The following TMEM131 variants were observed in gnomAD, a reference collection of about 807,000 sequenced individuals.
TMEM131 encodes 2610524E03Rik.
In TMEM131, 66 loss-of-function variants were observed where a neutral mutation model predicts 211.6. The observed-to-expected ratio is 0.31, with a 90% CI of 0.26 to 0.38. The LOEUF is 0.38. TMEM131 is among the 10% of genes least tolerant of loss of function. The pLI is 1.00. For synonymous variants in TMEM131, 844 were observed against 841.3 expected, an observed-to-expected ratio of 1.00 and a Z score of -0.06; for missense variants, 2,036 against 2,299.3, an observed-to-expected ratio of 0.89 and a Z score of 2.34.
rs56833919 is a variant in TMEM131 at position 97,864,757 on chromosome 2, T to G, written c.360-5330A>C. Among the ~76,000 whole-genome samples, 103 of 152,208 alleles carry G rather than the reference T, an allele frequency of 6.8e-4. 3 individuals carry two copies. In the East Asian group the frequency reaches 0.013, roughly 19 times the overall value. ...CCTTAAAGTGGCAGGCAAAGGAAAGTGAGTGTCAATGGGCAGCCTGAGCTG... is the reference window on the plus strand; with the variant it reads ...CCTTAAAGTGGCAGGCAAAGGAAAGGGAGTGTCAATGGGCAGCCTGAGCTG... On this transcript the variant is annotated intron_variant, in intron 4 of 40. Transcript: ENST00000186436.
intron 1 of TMEM131, among the ~76,000 whole-genome samples, chr2:97,980,931 G>A (rs538651142): frequency 6.8e-6 from 1 of 146,894 alleles, no homozygotes; most frequent in African/African-American, 2.5e-5. Context: ...TATGGAGATA[G>A]CACAGGTTTT....
At position 97,932,106 on chromosome 2, in the gene TMEM131, C is replaced by T. The variant is rs1677246991; in HGVS notation, c.188-4619G>A. On this transcript the variant is annotated intron_variant, in intron 1 of 40. Transcript: ENST00000186436. Reference sequence around the variant, plus strand: ...GCAGTGGGCTGAGATAGTGCCAATGCACTCCAGCTTGGGTGACAGAACAAG... The same window carrying T: ...GCAGTGGGCTGAGATAGTGCCAATGTACTCCAGCTTGGGTGACAGAACAAG... 3.3e-5 allele frequency among the ~76,000 whole-genome samples: 5 copies of T among 149,538 alleles called. 1 individual carries two copies. In the South Asian group the frequency reaches 1.0e-3, roughly 31 times the overall value.
chr2:97,802,206 G>T (rs1681066066), intron 24 of TMEM131, among the ~76,000 whole-genome samples: 1 of 152,088 alleles, frequency 6.6e-6, no homozygotes, highest in African/African-American at 2.4e-5. Flanking sequence ...TTTTTAGAAG[G>T]GAGTTCCATA....
intron 5 of TMEM131, among the ~76,000 whole-genome samples, chr2:97,845,828 A>G (rs1559397304): frequency 6.6e-6 from 1 of 152,070 alleles, no homozygotes; most frequent in East Asian, 1.9e-4. Context: ...ATAAAACTCT[A>G]CAGAGAGTGA....
chr2:97,888,517 C>T (rs1446578339), intron 3 of TMEM131, among the ~76,000 whole-genome samples: 1 of 152,168 alleles, frequency 6.6e-6, no homozygotes, highest in Non-Finnish European at 1.5e-5. Context: ...AAATCACAAT[C>T]AGATTGTAAC....
rs532024219 is a variant in TMEM131, at chr2:97,814,393, TA to T, written c.1293-6del. On this transcript the variant is annotated splice_polypyrimidine_tract_variant and splice_region_variant and intron_variant, in intron 13 of 40. Transcript: ENST00000186436. The stretch of plus-strand genomic sequence containing the variant: ...GCATGATCAAATCCCAAATAACTAT[TA>T]AAAAAAACAACAAGAACAAAATAAA... 85 of 1,576,610 alleles carry T rather than the reference TA, an allele frequency of 5.4e-5. 2 individuals carry two copies. In the Admixed American group the frequency reaches 1.6e-3, roughly 29 times the overall value.
At chr2:97,821,171 C>T (rs1682101217) in intron 11 of TMEM131, among the ~76,000 whole-genome samples, 1 of 152,106 alleles carries the variant, frequency 6.6e-6, no homozygotes, top group Non-Finnish European at 1.5e-5. Flanking sequence ...GGATTGTAAA[C>T]ACACCAATCA....
intron 3 of TMEM131, among the ~76,000 whole-genome samples, chr2:97,901,495 C>T (rs944693440): frequency 2.6e-5 from 4 of 152,094 alleles, no homozygotes; most frequent in Non-Finnish European, 4.4e-5. Flanking sequence ...CCAGGTTTAC[C>T]GTAGCACTAT....
chr2:97,849,873 C>T (rs1673537036), intron 5 of TMEM131, among the ~76,000 whole-genome samples: 1 of 151,790 alleles, frequency 6.6e-6, no homozygotes, highest in Non-Finnish European at 1.5e-5. Flanking sequence ...AGGTTTAACT[C>T]TTGGTGGGCA....
At chr2:97,779,397 C>CT (rs1437261403) in intron 31 of TMEM131, among the ~76,000 whole-genome samples, 1 of 152,242 alleles carries the variant, frequency 6.6e-6, no homozygotes, top group Non-Finnish European at 1.5e-5. Context: ...GGAGTGGCCT[C>CT]TGCCTCCCGC....
chr2:97,794,888 T>G (rs1438335304), intron 29 of TMEM131, 42 bp downstream of exon 29: 1 of 1,490,054 alleles, frequency 6.7e-7, no homozygotes, highest in African/African-American at 1.4e-5. Context: ...TCAACAGTGT[T>G]AAATGTTGAA....
At chr2:97,777,217 C>T (rs1405908631) in intron 31 of TMEM131, among the ~76,000 whole-genome samples, 1 of 152,238 alleles carries the variant, frequency 6.6e-6, no homozygotes, top group East Asian at 1.9e-4. Context: ...CAGGCAGGTG[C>T]AAGCTGCAGA....
chr2:97,775,940 G>C lies in TMEM131; in HGVS notation c.4223C>G (p.Pro1408Arg), dbSNP rs751693462. ...EEKEKKGKGKPQEDELKDSLA... is the reference protein window; with the variant it reads ...EEKEKKGKGKRQEDELKDSLA... ...AGAGTCCTTCAGCTCATCTTCCTGT[G>C]GCTTTCCCTTTCCCTTCTTCTCCTT... Residue 1408 changes from proline (P) to arginine (R), a missense_variant, in exon 32 of 41, where the codon CCA (proline) becomes CGA (arginine). Transcript: ENST00000186436. 5 of 1,613,924 alleles carry C rather than the reference G, an allele frequency of 3.1e-6. No homozygotes were observed. Among genetic ancestry groups the C allele is most frequent in the South Asian group, 1.1e-5 (1 of 91,064 alleles).
intron 11 of TMEM131, among the ~76,000 whole-genome samples, chr2:97,830,872 A>T (rs2105051398): frequency 6.6e-6 from 1 of 152,322 alleles, no homozygotes; most frequent in East Asian, 1.9e-4. Flanking sequence ...CCTGAAGGGG[A>T]ATTTAAAAAA....
At chr2:97,776,253 G>A (rs762543723) in intron 31 of TMEM131, among the ~76,000 whole-genome samples, 2 of 151,950 alleles carry the variant, frequency 1.3e-5, no homozygotes, top group African/African-American at 4.8e-5. Context: ...ACGGGGTTTC[G>A]TCGTGTTAGC....
chr2:97,773,928 A>G (rs1679587323), intron 32 of TMEM131, among the ~76,000 whole-genome samples: 1 of 152,186 alleles, frequency 6.6e-6, no homozygotes, highest in African/African-American at 2.4e-5. Context: ...GTGTTTACGG[A>G]AGCACTGGCA....
At chr2:97,816,313 C>T (rs1310400887) in intron 12 of TMEM131, among the ~76,000 whole-genome samples, 2 of 151,930 alleles carry the variant, frequency 1.3e-5, no homozygotes, top group African/African-American at 4.8e-5. Flanking sequence ...TGCACTCCAG[C>T]CTGGGCAACA....
At chr2:97,847,087 G>A (rs1413754424) in intron 5 of TMEM131, among the ~76,000 whole-genome samples, 2 of 71,960 alleles carry the variant, frequency 2.8e-5, no homozygotes, top group Non-Finnish European at 6.7e-5. Flanking sequence ...GGGGGGGGGG[G>A]CCGAGGCAGG....
intron 5 of TMEM131, among the ~76,000 whole-genome samples, chr2:97,855,906 C>G (rs566834720): frequency 6.6e-6 from 1 of 152,218 alleles, no homozygotes; most frequent in Admixed American, 6.5e-5. Flanking sequence ...CCTTCTATAT[C>G]TAATTAAAAT....
Sources: allele counts gnomAD v4.1 joint callset (sites outside exome capture counted in the v4.1 genomes callset), GRCh38; gene constraint gnomAD v4.1.1; transcripts MANE v1.5; gene names NCBI Gene and HGNC (gene_info 2026-07-23, HGNC 2026-07-21).